The following RBFOX1 variants were observed in gnomAD, a reference collection of about 807,000 sequenced individuals.
RBFOX1 encodes RNA binding fox-1 homolog 1.
A neutral mutation model predicts 57.7 loss-of-function variants in RBFOX1; 8 were observed. The observed-to-expected ratio is 0.14, with a 90% confidence interval of 0.08 to 0.25. The LOEUF (loss-of-function observed/expected upper bound fraction) is 0.25. Ranked by LOEUF, RBFOX1 falls within the 10% of genes least tolerant of loss-of-function variation. The probability of loss-of-function intolerance (pLI) is 1.00; values close to 1 mark genes in which losing one functional copy is unlikely to be tolerated. For missense variants in RBFOX1, 611 were observed against 548.5 expected (o/e 1.11, Z -1.14); for synonymous variants, 326 against 222.4 (o/e 1.47, Z -4.15).
chr16:7,082,837 G>A (rs139422047), intron 4 of RBFOX1, among the ~76,000 whole-genome samples: 1,631 of 152,268 alleles, frequency 0.011, 15 homozygotes, highest in Non-Finnish European at 0.016. Flanking sequence ...TTGCTTTGCA[G>A]TTGATTAATT....
At chr16:6,256,264 T>C (rs1313504090) in intron 1 of RBFOX1, among the ~76,000 whole-genome samples, 2 of 119,770 alleles carry the variant, frequency 1.7e-5, no homozygotes, top group African/African-American at 6.8e-5. Context: ...TATGTGTATA[T>C]ATATATGTAT....
chr16:7,326,115 A>G (rs2096608289), intron 4 of RBFOX1, among the ~76,000 whole-genome samples: 1 of 152,162 alleles, frequency 6.6e-6, no homozygotes, highest in African/African-American at 2.4e-5. Context: ...GTCTCATCCC[A>G]CAGGTAACAG....
intron 3 of RBFOX1, among the ~76,000 whole-genome samples, chr16:5,707,243 G>T (rs572489349): frequency 6.6e-6 from 1 of 152,190 alleles, no homozygotes; most frequent in South Asian, 2.1e-4. Context: ...AACAGAAAGA[G>T]GAAATGTGTG....
chr16:6,208,726 A>C (rs1220163935), intron 1 of RBFOX1, among the ~76,000 whole-genome samples: 1 of 152,182 alleles, frequency 6.6e-6, no homozygotes, highest in Non-Finnish European at 1.5e-5. Flanking sequence ...ATTTAAAAAA[A>C]AATATGCATT....
intron 2 of RBFOX1, among the ~76,000 whole-genome samples, chr16:6,562,953 C>T (rs1173370615): frequency 1.4e-5 from 2 of 141,780 alleles, no homozygotes; most frequent in Admixed American, 1.5e-4. Context: ...TCCCACAGCC[C>T]TTTCCTGGGT....
chr16:7,250,853 G>A (rs899896997), intron 4 of RBFOX1, among the ~76,000 whole-genome samples: 7 of 151,974 alleles, frequency 4.6e-5, no homozygotes, highest in African/African-American at 1.7e-4. Flanking sequence ...TAGGACACTG[G>A]GTGATTCTTT....
chr16:7,000,107 C>G lies in RBFOX1; in HGVS notation c.-15-51950C>G, dbSNP rs1027934812. On this transcript the variant is annotated intron_variant, in intron 3 of 15. Coordinates refer to ENST00000550418, the MANE Select transcript of RBFOX1 (RefSeq NM_018723.4). ...AAAAAAAGATTATTTAAGTAGGTGT[C>G]CAAACATCATATTATTTTTAAAGTT... 4.6e-5 allele frequency among the ~76,000 whole-genome samples: 7 copies of G among 150,902 alleles called. No homozygotes were observed. The Admixed American group carries it at 4.6e-4, about 10-fold the overall frequency.
intron 4 of RBFOX1, among the ~76,000 whole-genome samples, chr16:7,283,745 G>T (rs2095594629): frequency 6.6e-6 from 1 of 152,122 alleles, no homozygotes; most frequent in South Asian, 2.1e-4. Flanking sequence ...TTCTGGACTT[G>T]ATCTAGATCA....
chr16:7,244,889 C>T (rs966535158), intron 4 of RBFOX1, among the ~76,000 whole-genome samples: 1 of 152,166 alleles, frequency 6.6e-6, no homozygotes, highest in African/African-American at 2.4e-5. Flanking sequence ...AAGAAAAGCT[C>T]CGTATCCCAA....
chr16:6,763,857 C>T (rs983896829), intron 3 of RBFOX1, among the ~76,000 whole-genome samples: 1 of 152,188 alleles, frequency 6.6e-6, no homozygotes, highest in South Asian at 2.1e-4. Flanking sequence ...TGTAATTCCT[C>T]TATTTCATTT....
intron 3 of RBFOX1, chr16:6,703,948 G>A (rs1442316491): frequency 6.6e-6 from 1 of 152,342 alleles, no homozygotes; most frequent in Admixed American, 6.6e-5. Flanking sequence ...CTCCAGCAAA[G>A]GGAATTTTCT....
chr16:5,586,028 T>G (rs1353818609), intron 2 of RBFOX1, among the ~76,000 whole-genome samples: 1 of 152,086 alleles, frequency 6.6e-6, no homozygotes, highest in East Asian at 1.9e-4. Flanking sequence ...ACTGGTGTCT[T>G]TAAAAAAGAC....
intron 1 of RBFOX1, among the ~76,000 whole-genome samples, chr16:6,155,889 A>G (rs986330636): frequency 1.3e-5 from 2 of 152,206 alleles, no homozygotes; most frequent in Admixed American, 6.5e-5. Flanking sequence ...GAGCATTTCA[A>G]GATGGTATCA....
chr16:6,869,650 A>G (rs2060529843), intron 3 of RBFOX1, among the ~76,000 whole-genome samples: 1 of 152,228 alleles, frequency 6.6e-6, no homozygotes, highest in Non-Finnish European at 1.5e-5. Context: ...ACGTGTTAGA[A>G]CTAGGATTTT....
intron 10 of RBFOX1, among the ~76,000 whole-genome samples, chr16:7,613,363 G>A (rs950815277): frequency 5.3e-5 from 8 of 152,136 alleles, no homozygotes; most frequent in African/African-American, 1.2e-4. Flanking sequence ...TTACAGGGGC[G>A]ATCAGATAAT....
intron 3 of RBFOX1, among the ~76,000 whole-genome samples, chr16:5,624,737 G>A (rs575085595): frequency 1.1e-3 from 169 of 152,234 alleles, no homozygotes; most frequent in Non-Finnish European, 1.9e-3. Context: ...CCACCAATGC[G>A]GGGTGACAGG....
At chr16:6,684,191 G>C (rs1453265210) in intron 3 of RBFOX1, among the ~76,000 whole-genome samples, 1 of 152,184 alleles carries the variant, frequency 6.6e-6, no homozygotes, top group Admixed American at 6.5e-5. Context: ...AAGGATGTAC[G>C]CAAATGTTTA....
At chr16:5,546,577 A>G (rs2045215574) in intron 2 of RBFOX1, among the ~76,000 whole-genome samples, 1 of 152,202 alleles carries the variant, frequency 6.6e-6, no homozygotes, top group South Asian at 2.1e-4. Context: ...ATGAATTCCA[A>G]TCTGTATCTG....
chr16:7,297,165 G>T lies in RBFOX1; in HGVS notation c.28-220982G>T, dbSNP rs188256244. ...CTTCATTGTGCCTGCAGGGAGGAGG[G>T]AAGGCAGTTTGGGCCATGGCTTGTA... On this transcript the variant is annotated intron_variant, in intron 4 of 15. Coordinates refer to ENST00000550418, the MANE Select transcript of RBFOX1 (RefSeq NM_018723.4). Among the ~76,000 whole-genome samples the T allele has an allele frequency of 7.2e-4, 110 of 152,272 alleles. 1 individual carries two copies. Among genetic ancestry groups the T allele is most frequent in the African/African-American group, 2.6e-3 (107 of 41,554 alleles).
Sources: allele counts gnomAD v4.1 joint callset (sites outside exome capture counted in the v4.1 genomes callset), GRCh38; gene constraint gnomAD v4.1.1; transcripts MANE v1.5; gene names NCBI Gene and HGNC (gene_info 2026-07-23, HGNC 2026-07-21).